Variants in TAPBPL observed in about 807,000 individuals in gnomAD.
The protein encoded by TAPBPL is tapasin-related protein.
Under a neutral mutation model 44.8 loss-of-function variants are expected in TAPBPL, and 32 were observed. The observed-to-expected ratio is 0.71, with a 90% confidence interval of 0.54 to 0.96. The LOEUF (loss-of-function observed/expected upper bound fraction) is 0.96, where lower values mean the gene tolerates loss of function less well. TAPBPL is among the 40% of genes least tolerant of loss of function. The pLI is 0.00. For synonymous variants in TAPBPL, 230 were observed against 240.7 expected, an observed-to-expected ratio of 0.96 and a Z score of 0.41; for missense variants, 520 against 586.6, an observed-to-expected ratio of 0.89 and a Z score of 1.17.
downstream of TAPBPL, chr12:6,462,868 G>A (rs760733176): frequency 5.6e-6 from 9 of 1,604,358 alleles, no homozygotes; most frequent in South Asian, 1.0e-4. Flanking sequence ...GGGAATGTGG[G>A]AAACAAGGGC....
chr12:6,462,588 C>A (rs1034860138), downstream of TAPBPL: 26 of 579,964 alleles, frequency 4.5e-5, no homozygotes, highest in African/African-American at 3.9e-4. Context: ...AGGGCTAATA[C>A]CCCCAAAGAA....
At chr12:6,463,130 C>T (rs1405826691), downstream of TAPBPL, 37 of 1,488,446 alleles carry the variant, frequency 2.5e-5, no homozygotes, top group Non-Finnish European at 7.1e-6. This position sits in a 1 kb window ranked among gnomAD's most constrained non-coding sequence, Gnocchi z 4.0. Context: ...ATCCCATCCT[C>T]AGGTTCCACT....
At chr12:6,452,685 A>G (rs1949586790) in intron 1 of TAPBPL, 1 of 1,072,178 alleles carries the variant, frequency 9.3e-7, no homozygotes, top group Non-Finnish European at 1.2e-6. Context: ...AAATGGGAGA[A>G]AGCAGTGCAG....
chr12:6,465,399 TA>T (rs1264018739), downstream of TAPBPL: 2 of 84,524 alleles, frequency 2.4e-5, no homozygotes, highest in Non-Finnish European at 5.3e-5. Context: ...TATATATATA[TA>T]AATGTATATA....
At chr12:6,451,978 G>T (rs11569391), upstream of TAPBPL, 1,806 of 529,606 alleles carry the variant, frequency 3.4e-3, 25 homozygotes, top group African/African-American at 0.032. Flanking sequence ...AAATCACCAG[G>T]GGATTTCCGG....
At chr12:6,462,969 C>A, downstream of TAPBPL, 1 of 1,552,442 alleles carries the variant, frequency 6.4e-7, no homozygotes, top group Non-Finnish European at 8.7e-7. Context: ...TCAGCCTCTT[C>A]CTGTTCGTGG....
chr12:6,466,031 G>T (rs1012709891), downstream of TAPBPL: 2 of 1,613,502 alleles, frequency 1.2e-6, no homozygotes, highest in Non-Finnish European at 1.7e-6. Flanking sequence ...AAGCAGCTAA[G>T]CTTCCTGCCA....
downstream of TAPBPL, chr12:6,470,591 T>C (rs2532489): frequency 0.99 from 1,597,514 of 1,611,432 alleles, 791,883 homozygotes; most frequent in East Asian, 1. Context: ...AGACACCCGG[T>C]GAGGGACGCT....
rs146769470 is a variant in TAPBPL at position 6,453,094 on chromosome 12, G to A, written c.92G>A (p.Arg31Gln). The change falls in exon 2 of 7, where the codon CGG (arginine) becomes CAG (glutamine). Residue 31 changes from arginine to glutamine, a missense_variant. Transcript: ENST00000266556. The surrounding 1 kb of genome is among the most constrained non-coding windows in gnomAD (Gnocchi z 4.8). ...TKPHPAEGQW[R>Q]AVDVVLDCFL... ...CCCCACCCAGCAGAGGGGCAGTGGC[G>A]GGCAGTGGACGTGGTCCTAGACTGC... The A allele has an allele frequency of 1.3e-4, 205 of 1,577,216 alleles. No homozygotes were observed. Among genetic ancestry groups the A allele is most frequent in the South Asian group, 7.5e-4 (65 of 86,422 alleles).
chr12:6,469,268 G>A (rs77390730), downstream of TAPBPL, among the ~76,000 whole-genome samples: 218 of 152,288 alleles, frequency 1.4e-3, no homozygotes, highest in African/African-American at 4.6e-3. Context: ...TCAATGAGTA[G>A]GTAGCAGCCA....
In TAPBPL at chr12:6,452,138, T is replaced by C. The variant is rs2136973310; in HGVS notation, c.-111T>C. Reference sequence around the variant, plus strand: ...GGGAACAGGGAAGAAACCTAAAGGCTGCAGGCTGCCAGGTGTGCTTGGAGA... The same window carrying C: ...GGGAACAGGGAAGAAACCTAAAGGCCGCAGGCTGCCAGGTGTGCTTGGAGA... On this transcript the variant is annotated 5_prime_UTR_variant, in exon 1 of 7. Coordinates refer to ENST00000266556, the MANE Select transcript of TAPBPL (RefSeq NM_018009.5). The C allele has an allele frequency of 7.6e-7, 1 of 1,314,214 alleles. No homozygotes were observed. Among genetic ancestry groups the C allele is most frequent in the East Asian group, 2.5e-5 (1 of 39,782 alleles). The allele number at this position is 1,314,214 out of a possible 1,614,324, so 81.4% of individuals were successfully genotyped here. A position where few individuals can be genotyped will look rare whatever the true frequency, so the allele number is the denominator to read the frequency against.
At chr12:6,461,928 C>A in intron 6 of TAPBPL, 106 bp from the exon 7 acceptor site, 1 of 882,398 alleles carries the variant, frequency 1.1e-6, no homozygotes, top group East Asian at 2.6e-5. Context: ...GGCCAAGGAC[C>A]TAGGAAGGAG....
Position 6,460,947 on chromosome 12 carries a change from C to G in TAPBPL, c.1291+9C>G. The G allele has an allele frequency of 6.2e-7, 1 of 1,614,078 alleles. No individual in the cohort carries two copies. The highest frequency in any genetic ancestry group is 8.5e-7 in the Non-Finnish European group (1 of 1,179,974). On this transcript the variant is annotated intron_variant, in intron 6 of 6. Coordinates refer to ENST00000266556, the MANE Select transcript of TAPBPL (RefSeq NM_018009.5). Reference sequence around the variant, plus strand: ...GCTTCAGAGACGGCAAGGTAAGAGCCTGGGTGCCCTTGGCTCTGGCCCTGG... The same window carrying G: ...GCTTCAGAGACGGCAAGGTAAGAGCGTGGGTGCCCTTGGCTCTGGCCCTGG...
intron 6 of TAPBPL, chr12:6,461,406 G>T (rs1949856281): frequency 1.0e-6 from 1 of 1,001,076 alleles, no homozygotes; most frequent in East Asian, 1.1e-4. Flanking sequence ...TGGTGTGACG[G>T]TAGGAAAACA....
At chr12:6,458,485 A>G (rs1042574925) in intron 4 of TAPBPL, among the ~76,000 whole-genome samples, 160 bp from the exon 5 acceptor site, 35 of 151,986 alleles carry the variant, frequency 2.3e-4, no homozygotes, top group African/African-American at 8.4e-4. Context: ...TACGGCCTGC[A>G]TCCAGGTGGG....
downstream of TAPBPL, chr12:6,464,321 T>A: frequency 6.5e-7 from 1 of 1,547,446 alleles, no homozygotes; most frequent in Non-Finnish European, 8.7e-7. Flanking sequence ...AGAGTGCAAA[T>A]GAACGCAACG....
intron 3 of TAPBPL, among the ~76,000 whole-genome samples, chr12:6,456,722 G>A (rs1949711998): frequency 6.6e-6 from 1 of 151,876 alleles, no homozygotes; most frequent in Non-Finnish European, 1.5e-5. Flanking sequence ...GCGCGATCTT[G>A]GCTCACTGCA....
rs1290942669 is a variant in TAPBPL, at chr12:6,453,465, C to T, written c.314C>T (p.Pro105Leu). Residue 105 changes from proline to leucine, a missense_variant, in exon 3 of 7, where the codon CCC becomes CTC. Physicochemically the swap from Pro to Leu is moderately conservative, Grantham distance 98 (BLOSUM62 -3). Transcript: ENST00000266556. The surrounding 1 kb of genome is among the most constrained non-coding windows in gnomAD (Gnocchi z 4.8). ...FEASVDLVQI[P>L]QAEALLHADC... The stretch of plus-strand genomic sequence containing the variant: ...TCCCCAGTGGACCTGGTCCAGATTC[C>T]CCAGGCCGAGGCCTTGCTCCATGCT... 6.2e-7 allele frequency: 1 copy of T among 1,614,158 alleles called. No homozygotes were observed. The highest frequency in any genetic ancestry group is 1.7e-5 in the Admixed American group (1 of 60,032).
chr12:6,454,015 CA>C (rs568380803), intron 3 of TAPBPL, among the ~76,000 whole-genome samples: 136 of 129,542 alleles, frequency 1.0e-3, no homozygotes, highest in Admixed American at 1.1e-3. Flanking sequence ...AACTCCATCT[CA>C]AAAAAAAAAA....
Sources: allele counts gnomAD v4.1 joint callset (sites outside exome capture counted in the v4.1 genomes callset), GRCh38; gene constraint gnomAD v4.1.1; non-coding constraint Gnocchi (gnomAD v3.1); transcripts MANE v1.5; gene names NCBI Gene and HGNC (gene_info 2026-07-23, HGNC 2026-07-21).